TSEN15: variants seen among roughly 807,000 people sequenced by gnomAD.
TSEN15 encodes tRNA splicing endonuclease subunit 15.
In TSEN15, 10 loss-of-function variants were observed where a neutral mutation model predicts 20.5. The ratio of observed to expected loss-of-function variants is 0.49; its 90% confidence interval spans 0.30 to 0.83. TSEN15 has a LOEUF of 0.83. TSEN15 is among the 40% of genes least tolerant of loss of function. The pLI is 0.06. For synonymous variants in TSEN15, 72 were observed against 80.1 expected, an observed-to-expected ratio of 0.90 and a Z score of 0.54; for missense variants, 180 against 218.6, an observed-to-expected ratio of 0.82 and a Z score of 1.11.
intron 4 of TSEN15, 170 bp from the exon 5 acceptor site, chr1:184,072,657 T>C (rs1207569707): frequency 3.0e-6 from 2 of 656,350 alleles, no homozygotes; most frequent in South Asian, 1.9e-5. Context: ...AATGTTAAAT[T>C]GGTTGACATT....
chr1:184,091,615 T>A (rs907239606), intron 3 of TSEN15, among the ~76,000 whole-genome samples: 61 of 152,110 alleles, frequency 4.0e-4, no homozygotes, highest in Admixed American at 3.3e-4. Flanking sequence ...GAGCTGTGTG[T>A]CACTCCTGGG....
downstream of TSEN15, among the ~76,000 whole-genome samples, chr1:184,078,669 A>G (rs1012801151): frequency 4.6e-5 from 7 of 152,146 alleles, no homozygotes; most frequent in African/African-American, 1.7e-4. Flanking sequence ...TATGTTACTA[A>G]ACACCATAGA....
chr1:184,072,375 C>G, intron 4 of TSEN15, 77 bp downstream of exon 4: 1 of 1,353,716 alleles, frequency 7.4e-7, no homozygotes, highest in Non-Finnish European at 1.0e-6. Context: ...TGACTCAAGT[C>G]AGTCACAGAA....
intron 3 of TSEN15, among the ~76,000 whole-genome samples, chr1:184,081,934 CT>C (rs1651177201): frequency 6.6e-6 from 1 of 152,134 alleles, no homozygotes; most frequent in Non-Finnish European, 1.5e-5. Flanking sequence ...TTGTCCTGGC[CT>C]TTTCTTTACT....
chr1:184,057,155 A>G (rs1364792703), intron 3 of TSEN15, among the ~76,000 whole-genome samples: 1 of 152,170 alleles, frequency 6.6e-6, no homozygotes, highest in Non-Finnish European at 1.5e-5. Flanking sequence ...AAAGGAAGCC[A>G]GCTGCCACGT....
exon 4 of TSEN15, chr1:184,096,688 A>C (rs934937271): frequency 6.4e-6 from 1 of 155,130 alleles, no homozygotes; most frequent in African/African-American, 2.4e-5. Flanking sequence ...TTACCGTTCC[A>C]CATGGCTGGG....
At chr1:184,071,376 C>T (rs1484606216) in intron 3 of TSEN15, among the ~76,000 whole-genome samples, 1 of 151,772 alleles carries the variant, frequency 6.6e-6, no homozygotes, top group Non-Finnish European at 1.5e-5. Context: ...GTAAAAGACC[C>T]TAATATATTT....
intron 3 of TSEN15, chr1:184,071,313 C>A (rs1043791980): frequency 6.6e-6 from 1 of 151,664 alleles, no homozygotes; most frequent in African/African-American, 2.4e-5. Flanking sequence ...AACAATGACA[C>A]CAGACAGTTA....
rs1049803007 is a variant in TSEN15 at position 184,073,092 on chromosome 1, C to T, written c.*245C>T. The T allele has an allele frequency of 6.4e-6, 3 of 468,748 alleles. No individual in the cohort carries two copies. Among genetic ancestry groups the T allele is most frequent in the African/African-American group, 4.1e-5 (2 of 48,768 alleles). The allele number at this position is 468,748 out of a possible 1,614,324, so 29.0% of individuals were successfully genotyped here. ...GAGACAGTTTAATTACAGTTATATA[C>T]AGGTTTATGCCTAGGATGTATTCAG... On this transcript the variant is annotated 3_prime_UTR_variant, in exon 5 of 5. Coordinates refer to ENST00000645668, the MANE Select transcript of TSEN15 (RefSeq NM_052965.4).
At chr1:184,075,572 T>G (rs977175609), downstream of TSEN15, among the ~76,000 whole-genome samples, 14 of 152,084 alleles carry the variant, frequency 9.2e-5, 1 homozygote, top group Non-Finnish European at 1.3e-4. Context: ...TATAATGGCT[T>G]ATTTTTTCCC....
chr1:184,058,084 GC>G, intron 3 of TSEN15: 1 of 374,134 alleles, frequency 2.7e-6, no homozygotes. Context: ...GAAAGCAATA[GC>G]CTATTTTAAT....
At position 184,059,801 on chromosome 1, in the gene TSEN15, C is replaced by T. The variant is rs189530322; in HGVS notation, c.353+4938C>T. Among the ~76,000 whole-genome samples, 921 of 152,280 alleles carry T rather than the reference C, an allele frequency of 6.0e-3. 6 individuals carry two copies. Among genetic ancestry groups the T allele is most frequent in the Non-Finnish European group, 8.6e-3 (584 of 68,022 alleles). ...GGCTAGGCTGGTCTCGAACTCCTGA[C>T]CTCAAGTTATCTGCCCGCCTTGGCC... On this transcript the variant is annotated intron_variant, in intron 3 of 4. Coordinates refer to ENST00000645668, the MANE Select transcript of TSEN15 (RefSeq NM_052965.4).
chr1:184,095,422 T>C, intron 3 of TSEN15: 1 of 380,530 alleles, frequency 2.6e-6, no homozygotes, highest in East Asian at 3.8e-5. Context: ...CTCAGTAAGG[T>C]TCTTGTGGAC....
At chr1:184,070,656 A>G (rs1557884830) in intron 3 of TSEN15, 5 of 1,290,270 alleles carry the variant, frequency 3.9e-6, no homozygotes, top group Middle Eastern at 2.1e-4. Context: ...ATACTTAGCT[A>G]CATTAAAAGA....
chr1:184,055,031 C>T, intron 3 of TSEN15, 168 bp downstream of exon 3: 5 of 698,018 alleles, frequency 7.2e-6, no homozygotes, highest in Non-Finnish European at 1.1e-5. Context: ...GCCATTCTTG[C>T]ATTGCTATAA....
At position 184,086,068 on chromosome 1, in the gene TSEN15, A is replaced by C. The variant is rs114221230; in HGVS notation, c.354-9622A>C. On this transcript the variant is annotated intron_variant, in intron 3 of 3. Coordinates refer to the TSEN15 transcript ENST00000643231. The stretch of plus-strand genomic sequence containing the variant: ...CCTCAGTGGGGTTGCACTTCAGATT[A>C]TTTAAATTCTCTTCTTTTTAGATTA... 3.9e-3 allele frequency among the ~76,000 whole-genome samples: 594 copies of C among 152,348 alleles called. 7 individuals carry two copies. Among genetic ancestry groups the C allele is most frequent in the African/African-American group, 0.014 (565 of 41,578 alleles).
intron 3 of TSEN15, among the ~76,000 whole-genome samples, chr1:184,088,739 T>G (rs990627686): frequency 7.3e-6 from 1 of 137,314 alleles, no homozygotes; most frequent in African/African-American, 2.7e-5. Flanking sequence ...TTGTTTTCTG[T>G]TTGTTTGTTT....
chr1:184,063,186 C>A (rs550587206), intron 3 of TSEN15, among the ~76,000 whole-genome samples: 145 of 152,152 alleles, frequency 9.5e-4, no homozygotes, highest in Non-Finnish European at 1.8e-3. Context: ...CAGTTGGTAA[C>A]CTTTCTAAAT....
chr1:184,084,717 G>T (rs1651230138), intron 3 of TSEN15, among the ~76,000 whole-genome samples: 1 of 152,002 alleles, frequency 6.6e-6, no homozygotes, highest in Admixed American at 6.6e-5. Flanking sequence ...AAGGGAAAGA[G>T]AGATCAAGAG....
Sources: allele counts gnomAD v4.1 joint callset (sites outside exome capture counted in the v4.1 genomes callset), GRCh38; gene constraint gnomAD v4.1.1; transcripts MANE v1.5; gene names NCBI Gene and HGNC (gene_info 2026-07-23, HGNC 2026-07-21).